MBNL1: variants seen among roughly 807,000 people sequenced by gnomAD.
MBNL1 encodes muscleblind-like protein 1.
A neutral mutation model predicts 42.2 loss-of-function variants in MBNL1; 8 were observed. That is an observed-to-expected ratio of 0.19 (90% confidence interval 0.11 to 0.34). MBNL1 has a LOEUF of 0.34. MBNL1 is among the 10% of genes least tolerant of loss of function. The pLI is 1.00. For missense variants in MBNL1, 309 were observed against 495.3 expected (o/e 0.62, Z 3.57); for synonymous variants, 169 against 173.9 (o/e 0.97, Z 0.22).
At chr3:152,333,509 T>C (rs941101742) in intron 2 of MBNL1, among the ~76,000 whole-genome samples, 3 of 152,192 alleles carry the variant, frequency 2.0e-5, no homozygotes, top group Non-Finnish European at 4.4e-5. Flanking sequence ...CAAGTGTCAG[T>C]AGAGAGTGGG....
upstream of MBNL1, chr3:152,264,251 A>C (rs916658686): frequency 6.6e-6 from 1 of 152,204 alleles, no homozygotes; most frequent in Non-Finnish European, 1.5e-5. Context: ...AGTACCTAGA[A>C]TAGGAGTTAG....
At chr3:152,402,046 A>AG (rs1160082259) in intron 2 of MBNL1, among the ~76,000 whole-genome samples, 4 of 151,876 alleles carry the variant, frequency 2.6e-5, no homozygotes. Flanking sequence ...AAAAAAAAAA[A>AG]AAGATTTACT....
At chr3:152,286,267 A>G (rs1329750255) in intron 1 of MBNL1, among the ~76,000 whole-genome samples, 3 of 146,552 alleles carry the variant, frequency 2.0e-5, no homozygotes, top group Non-Finnish European at 4.5e-5. Context: ...ATTAATCCTT[A>G]TTTTATATTT....
At chr3:152,348,721 A>G (rs1479845017) in intron 2 of MBNL1, among the ~76,000 whole-genome samples, 1 of 152,126 alleles carries the variant, frequency 6.6e-6, no homozygotes, top group African/African-American at 2.4e-5. Context: ...GCGGTTTAGA[A>G]GAATTTAGTG....
rs533581739 is a variant in MBNL1 at position 152,369,915 on chromosome 3, G to A, written c.175-45026G>A. 2.0e-4 allele frequency among the ~76,000 whole-genome samples: 31 copies of A among 152,014 alleles called. 2 individuals carry two copies. The South Asian group carries it at 6.2e-3, about 31-fold the overall frequency. On this transcript the variant is annotated intron_variant, in intron 2 of 9. Transcript: ENST00000324210. Reference sequence around the variant, plus strand: ...TTCTTCTCTCTTTTCTTCTTCGTTAGTCTGGCTAGTAGTCTATCTATTTTG... The same window carrying A: ...TTCTTCTCTCTTTTCTTCTTCGTTAATCTGGCTAGTAGTCTATCTATTTTG...
Position 152,463,252 on chromosome 3 carries a change from G to A in MBNL1, c.*886G>A, listed in dbSNP as rs899051443. 1 of 149,834 alleles carries A rather than the reference G, an allele frequency of 6.7e-6. No individual in the cohort carries two copies. The highest frequency in any genetic ancestry group is 1.5e-5 in the Non-Finnish European group (1 of 67,534). 9.3% of individuals were successfully genotyped at this position (149,834 alleles called of 1,614,324 possible). A position where few individuals can be genotyped will look rare whatever the true frequency, so the allele number is the denominator to read the frequency against. The stretch of plus-strand genomic sequence containing the variant: ...CAATACAGATAAACTCACACATACT[G>A]GAGATATATATATAATAGATATATA... On this transcript the variant is annotated 3_prime_UTR_variant, in exon 10 of 10. Coordinates refer to ENST00000324210, the MANE Select transcript of MBNL1 (RefSeq NM_021038.5).
chr3:152,314,092 T>C (rs2068823953), intron 2 of MBNL1, among the ~76,000 whole-genome samples: 1 of 152,202 alleles, frequency 6.6e-6, no homozygotes. Flanking sequence ...CCTAAGACTT[T>C]TCTAGAAATA....
intron 2 of MBNL1, among the ~76,000 whole-genome samples, chr3:152,408,998 G>A (rs1418910304): frequency 6.6e-6 from 1 of 152,126 alleles, no homozygotes; most frequent in Non-Finnish European, 1.5e-5. Flanking sequence ...GCTAACCCAA[G>A]TCCTTTACGG....
At chr3:152,326,226 G>A (rs1560155650) in intron 2 of MBNL1, among the ~76,000 whole-genome samples, 1 of 152,066 alleles carries the variant, frequency 6.6e-6, no homozygotes, top group Admixed American at 6.6e-5. Flanking sequence ...AGCATCTATG[G>A]TGTCATTTAG....
intron 2 of MBNL1, among the ~76,000 whole-genome samples, chr3:152,307,346 C>T (rs140605980): frequency 3.2e-3 from 487 of 152,254 alleles, no homozygotes; most frequent in African/African-American, 0.011. Context: ...AGCAGAAATG[C>T]CATGTCATTA....
chr3:152,245,933 C>A (rs1166378386), intron 2 of MBNL1, among the ~76,000 whole-genome samples: 1 of 152,064 alleles, frequency 6.6e-6, no homozygotes, highest in African/African-American at 2.4e-5. Context: ...TTAAACACAA[C>A]TGCTTGTCAG....
intron 2 of MBNL1, among the ~76,000 whole-genome samples, chr3:152,352,626 G>A (rs1356101818): frequency 6.6e-6 from 1 of 151,278 alleles, no homozygotes; most frequent in East Asian, 1.9e-4. Flanking sequence ...TTAAACTTAC[G>A]ACTCATCCTT....
At chr3:152,407,047 C>CTGTTTGTGTGTG (rs562915616) in intron 2 of MBNL1, among the ~76,000 whole-genome samples, 1 of 67,598 alleles carries the variant, frequency 1.5e-5, no homozygotes, top group Admixed American at 1.4e-4. Flanking sequence ...TGTTAAGCCA[C>CTGTTTGTGTGTG]TGTGTGTGTG....
At chr3:152,339,074 A>C (rs576193279) in intron 2 of MBNL1, among the ~76,000 whole-genome samples, 14 of 152,304 alleles carry the variant, frequency 9.2e-5, no homozygotes, top group Non-Finnish European at 1.8e-4. Context: ...AACCAAAAAC[A>C]TTTAATGAAT....
intron 2 of MBNL1, among the ~76,000 whole-genome samples, chr3:152,325,465 T>G (rs1345986936): frequency 2.0e-5 from 3 of 152,136 alleles, no homozygotes; most frequent in African/African-American, 7.2e-5. Flanking sequence ...ACTTCACTCA[T>G]AGAGACCTTA....
At chr3:152,439,181 G>C (rs2099115584) in intron 4 of MBNL1, among the ~76,000 whole-genome samples, 2 of 152,118 alleles carry the variant, frequency 1.3e-5, no homozygotes, top group Admixed American at 6.5e-5. Flanking sequence ...ACTAATTGTT[G>C]TATGTTTCCA....
intron 1 of MBNL1, among the ~76,000 whole-genome samples, chr3:152,269,967 G>T (rs2040045352): frequency 1.4e-5 from 2 of 140,044 alleles, no homozygotes; most frequent in African/African-American, 2.7e-5. Context: ...GTAGTAATGT[G>T]TCATGTGAGA....
intron 2 of MBNL1, among the ~76,000 whole-genome samples, chr3:152,309,939 A>C (rs2151988270): frequency 6.6e-6 from 1 of 152,324 alleles, no homozygotes; most frequent in Admixed American, 6.5e-5. Context: ...AGGATAATAA[A>C]ATACTTTAAA....
At chr3:152,397,469 C>T (rs546708821) in intron 2 of MBNL1, among the ~76,000 whole-genome samples, 1 of 152,184 alleles carries the variant, frequency 6.6e-6, no homozygotes, top group African/African-American at 2.4e-5. Context: ...TTGGTTTTCT[C>T]TTCCTGTGTT....
Sources: gnomAD v4.1 joint callset for allele counts (sites outside exome capture counted in the v4.1 genomes callset) on GRCh38, gnomAD v4.1.1 for gene constraint, MANE v1.5 for transcripts, NCBI Gene and HGNC (gene_info 2026-07-23, HGNC 2026-07-21) for gene names.